ADGRB3: variants seen among roughly 807,000 people sequenced by gnomAD.
ADGRB3 encodes brain-specific angiogenesis inhibitor 3.
A neutral mutation model predicts 193.4 loss-of-function variants in ADGRB3; 37 were observed. The ratio of observed to expected loss-of-function variants is 0.19; its 90% CI spans 0.15 to 0.25. ADGRB3 has a LOEUF of 0.25. ADGRB3 is among the 10% of genes least tolerant of loss of function. The probability of loss-of-function intolerance (pLI) is 1.00; values close to 1 mark genes in which losing one functional copy is unlikely to be tolerated. For missense variants in ADGRB3, 1,637 were observed against 1,852.9 expected, an observed-to-expected ratio of 0.88 and a Z score of 2.14; for synonymous variants, 690 against 644.2, an observed-to-expected ratio of 1.07 and a Z score of -1.08.
intron 3 of ADGRB3, among the ~76,000 whole-genome samples, chr6:68,895,941 AGAGAGT>A (rs1198809890): frequency 6.6e-6 from 1 of 152,114 alleles, no homozygotes; most frequent in African/African-American, 2.4e-5. Context: ...AATATGGAGT[AGAGAGT>A]GAGAGGCAAA....
intron 3 of ADGRB3, among the ~76,000 whole-genome samples, chr6:68,755,039 G>A (rs1202629489): frequency 6.6e-6 from 1 of 152,206 alleles, no homozygotes; most frequent in Non-Finnish European, 1.5e-5. Flanking sequence ...GCAACCACAT[G>A]TGCTTGTGGT....
chr6:68,955,996 C>T, intron 6 of ADGRB3, 28 bp from the exon 7 acceptor site: 2 of 1,606,560 alleles, frequency 1.2e-6, no homozygotes, highest in Non-Finnish European at 1.7e-6. Context: ...AAGATATCCT[C>T]ATGCTGTCTC....
At position 69,218,122 on chromosome 6, in the gene ADGRB3, C is replaced by CA. The variant is rs1211705915; in HGVS notation, c.2481-15161dup. ...AACCTTTCAAGCCTGCCTTACATTG[C>CA]AAAAAAAGACAAAAAAAGAAGTTGT... On this transcript the variant is annotated intron_variant, in intron 17 of 31. Transcript: ENST00000370598. Among the ~76,000 whole-genome samples the CA allele has an allele frequency of 1.8e-4, 26 of 147,982 alleles. No homozygotes were observed. In the South Asian group the frequency reaches 2.6e-3, roughly 15 times the overall value.
intron 3 of ADGRB3, among the ~76,000 whole-genome samples, chr6:68,827,434 A>C (rs1239172455): frequency 1.3e-5 from 2 of 152,102 alleles, no homozygotes; most frequent in Admixed American, 6.6e-5. Context: ...GAGCAGCGAT[A>C]AAAGAGATTT....
chr6:69,326,740 C>A (rs1175363892), intron 21 of ADGRB3, among the ~76,000 whole-genome samples: 1 of 149,974 alleles, frequency 6.7e-6, no homozygotes, highest in East Asian at 1.9e-4. Flanking sequence ...TGAACTTGGT[C>A]CAGTCAATCA....
chr6:68,771,385 TACACACAC>T (rs3040851), intron 3 of ADGRB3, among the ~76,000 whole-genome samples: 67 of 148,090 alleles, frequency 4.5e-4, no homozygotes, highest in African/African-American at 1.1e-3. Flanking sequence ...AGGGAATATA[TACACACAC>T]ACACACACAC....
At chr6:68,972,485 A>C (rs1768603272) in intron 8 of ADGRB3, among the ~76,000 whole-genome samples, 1 of 152,112 alleles carries the variant, frequency 6.6e-6, no homozygotes, top group South Asian at 2.1e-4. Context: ...TCCTGCACTC[A>C]GTTTCTCCTC....
At chr6:68,937,338 C>G (rs1318055325) in intron 5 of ADGRB3, among the ~76,000 whole-genome samples, 2 of 152,148 alleles carry the variant, frequency 1.3e-5, no homozygotes, top group Non-Finnish European at 2.9e-5. Context: ...TCAGTTGATG[C>G]ACGCATGCAT....
chr6:69,124,945 A>C (rs2150331678), intron 17 of ADGRB3, among the ~76,000 whole-genome samples: 1 of 152,152 alleles, frequency 6.6e-6, no homozygotes, highest in South Asian at 2.1e-4. Flanking sequence ...TTATGGATGA[A>C]GAATGTAGCT....
intron 8 of ADGRB3, among the ~76,000 whole-genome samples, chr6:68,962,093 G>A (rs549784910): frequency 1.3e-5 from 2 of 152,114 alleles, no homozygotes; most frequent in Admixed American, 6.6e-5. Flanking sequence ...GTGGCACTAG[G>A]TATTGACTTC....
At chr6:69,094,007 A>T (rs530191897) in intron 17 of ADGRB3, among the ~76,000 whole-genome samples, 2 of 152,334 alleles carry the variant, frequency 1.3e-5, no homozygotes, top group African/African-American at 4.8e-5. Context: ...AACTAGAGTG[A>T]TTGACTGCAG....
chr6:68,680,738 CATACACAT>C (rs1764879355), intron 3 of ADGRB3, among the ~76,000 whole-genome samples: 1 of 152,098 alleles, frequency 6.6e-6, no homozygotes, highest in Non-Finnish European at 1.5e-5. Context: ...GTAGGTAAAT[CATACACAT>C]GTATATAAAA....
At chr6:69,054,795 T>G (rs1410149476) in intron 15 of ADGRB3, among the ~76,000 whole-genome samples, 2 of 152,302 alleles carry the variant, frequency 1.3e-5, no homozygotes, top group South Asian at 2.1e-4. Context: ...AAGCTTTAAG[T>G]AAACCCAATC....
At chr6:68,751,010 T>A (rs886560717) in intron 3 of ADGRB3, among the ~76,000 whole-genome samples, 3 of 152,156 alleles carry the variant, frequency 2.0e-5, no homozygotes, top group African/African-American at 4.8e-5. Flanking sequence ...TCGTCTTCTA[T>A]CCCTTGAGTG....
chr6:68,990,443 A>G (rs1454101489), intron 10 of ADGRB3, among the ~76,000 whole-genome samples: 1 of 152,110 alleles, frequency 6.6e-6, no homozygotes, highest in Admixed American at 6.6e-5. Flanking sequence ...ATCAGTGCCA[A>G]TTGTTAGAGC....
At chr6:69,366,619 C>T (rs1455876006) in intron 29 of ADGRB3, among the ~76,000 whole-genome samples, 1 of 152,044 alleles carries the variant, frequency 6.6e-6, no homozygotes. Flanking sequence ...TAAAGAATTT[C>T]TCCTTTCTAT....
intron 16 of ADGRB3, among the ~76,000 whole-genome samples, chr6:69,072,300 G>A (rs767242925): frequency 5.0e-4 from 76 of 152,222 alleles, no homozygotes; most frequent in Middle Eastern, 3.4e-3. Flanking sequence ...ATGCTCACAT[G>A]TATGGTGTTT....
At chr6:68,976,931 T>C (rs1768766450) in intron 10 of ADGRB3, among the ~76,000 whole-genome samples, 1 of 151,172 alleles carries the variant, frequency 6.6e-6, no homozygotes, top group South Asian at 2.1e-4. Context: ...AAATATATAC[T>C]TACAATATAG....
intron 3 of ADGRB3, among the ~76,000 whole-genome samples, chr6:68,909,423 C>T (rs1217725589): frequency 6.6e-6 from 1 of 152,146 alleles, no homozygotes; most frequent in Admixed American, 6.6e-5. Context: ...TAACTAGACA[C>T]TATTACTTTA....
Sources: gnomAD v4.1 joint callset for allele counts (sites outside exome capture counted in the v4.1 genomes callset) on GRCh38, gnomAD v4.1.1 for gene constraint, MANE v1.5 for transcripts, NCBI Gene and HGNC (gene_info 2026-07-23, HGNC 2026-07-21) for gene names.